Variants in GMDS observed in about 807,000 individuals in gnomAD.
GMDS encodes GDP-mannose 4,6-dehydratase, also known as GDP-mannose 4,6 dehydratase.
GMDS carries 20 observed loss-of-function variants against 49.9 expected under a neutral mutation model. The ratio of observed to expected loss-of-function variants is 0.40; its 90% CI spans 0.28 to 0.58. The LOEUF is 0.58. GMDS is among the 20% of genes least tolerant of loss of function. The pLI is 0.42. For missense variants in GMDS, 362 were observed against 481.4 expected (o/e 0.75, Z 2.32); for synonymous variants, 177 against 178.6 (o/e 0.99, Z 0.07).
At chr6:2,175,880 G>A in intron 1 of GMDS, 1 of 935,138 alleles carries the variant, frequency 1.1e-6, no homozygotes, top group Admixed American at 2.0e-5. Flanking sequence ...GCCCTATCAG[G>A]CTTGTGGCAC....
At chr6:1,774,146 A>T (rs1768697537) in intron 7 of GMDS, among the ~76,000 whole-genome samples, 1 of 152,252 alleles carries the variant, frequency 6.6e-6, no homozygotes, top group South Asian at 2.1e-4. Context: ...TAAATGAATC[A>T]AAACCATAAG....
intron 7 of GMDS, among the ~76,000 whole-genome samples, chr6:1,925,648 G>A (rs1252245962): frequency 2.6e-5 from 4 of 152,202 alleles, no homozygotes. Context: ...GTAAAAAAGT[G>A]TCAGTCACTT....
chr6:2,072,005 T>A (rs934035012), intron 4 of GMDS, among the ~76,000 whole-genome samples: 17 of 152,158 alleles, frequency 1.1e-4, no homozygotes, highest in Admixed American at 1.0e-3. Flanking sequence ...GTAGAACAAT[T>A]CTTTATTAGC....
At chr6:1,872,403 T>C (rs1270526458) in intron 7 of GMDS, among the ~76,000 whole-genome samples, 1 of 152,264 alleles carries the variant, frequency 6.6e-6, no homozygotes, top group African/African-American at 2.4e-5. Flanking sequence ...AGTTATGCTT[T>C]ATGGAAAGGT....
chr6:1,862,465 C>G (rs186474561), intron 7 of GMDS, among the ~76,000 whole-genome samples: 1 of 152,200 alleles, frequency 6.6e-6, no homozygotes, highest in Non-Finnish European at 1.5e-5. Context: ...TGCAGCTTAT[C>G]AAGCTATCAA....
intron 1 of GMDS, among the ~76,000 whole-genome samples, chr6:2,230,078 G>T (rs1781014759): frequency 6.6e-6 from 1 of 151,588 alleles, no homozygotes; most frequent in African/African-American, 2.4e-5. Flanking sequence ...GTCCACAGTT[G>T]CGAGACTCCT....
chr6:1,789,029 T>G (rs1411839039), intron 7 of GMDS, among the ~76,000 whole-genome samples: 1 of 152,158 alleles, frequency 6.6e-6, no homozygotes, highest in Non-Finnish European at 1.5e-5. Context: ...ACCTTAAGTT[T>G]CATAATTTGC....
chr6:1,801,165 C>A (rs1418074736), intron 7 of GMDS, among the ~76,000 whole-genome samples: 1 of 152,196 alleles, frequency 6.6e-6, no homozygotes, highest in African/African-American at 2.4e-5. Context: ...ATGAGACCTG[C>A]ACCGAAATTA....
intron 4 of GMDS, among the ~76,000 whole-genome samples, chr6:1,971,672 A>C (rs1408321063): frequency 1.3e-5 from 2 of 152,088 alleles, no homozygotes; most frequent in Non-Finnish European, 2.9e-5. Context: ...GGCTGCACAC[A>C]CTGCTTCTGT....
intron 1 of GMDS, 150 bp downstream of exon 1, chr6:2,245,171 T>C: frequency 1.6e-6 from 1 of 625,010 alleles, no homozygotes; most frequent in East Asian, 3.2e-5. Context: ...AACTGCACCG[T>C]ACCTTCCGTC....
rs1006005570 is a variant in GMDS at position 2,134,145 on chromosome 6, A to G, written c.103-9414T>C. Among the ~76,000 whole-genome samples the G allele has an allele frequency of 5.3e-5, 8 of 152,216 alleles. No homozygotes were observed. In the East Asian group the frequency reaches 1.5e-3, roughly 29 times the overall value. ...GTGTCACTGCCTTGTAGACTGCACAATCATGGTGTGATTCTAGATAGCTCA... is the reference window on the plus strand; with the variant it reads ...GTGTCACTGCCTTGTAGACTGCACAGTCATGGTGTGATTCTAGATAGCTCA... On this transcript the variant is annotated intron_variant, in intron 1 of 10. Transcript: ENST00000380815.
At chr6:2,076,612 C>G (rs1440670855) in intron 4 of GMDS, among the ~76,000 whole-genome samples, 1 of 152,150 alleles carries the variant, frequency 6.6e-6, no homozygotes, top group Admixed American at 6.5e-5. Flanking sequence ...TGCCACATAT[C>G]TACAACTATC....
intron 4 of GMDS, among the ~76,000 whole-genome samples, chr6:1,966,859 A>G (rs1764289582): frequency 6.6e-6 from 1 of 152,170 alleles, no homozygotes; most frequent in African/African-American, 2.4e-5. Flanking sequence ...GTTCACTGAA[A>G]TTTAACCAGT....
intron 7 of GMDS, among the ~76,000 whole-genome samples, chr6:1,792,706 TAA>T (rs745411944): frequency 8.5e-5 from 13 of 152,230 alleles, no homozygotes; most frequent in Non-Finnish European, 1.8e-4. Context: ...AATTTCAAAT[TAA>T]AAGTCATTTC....
intron 9 of GMDS, among the ~76,000 whole-genome samples, chr6:1,655,476 T>TACACACACACAC (rs751129753): frequency 5.1e-4 from 41 of 81,158 alleles, no homozygotes; most frequent in East Asian, 1.5e-3. Context: ...TTGAAAGCCT[T>TACACACACACAC]ACACACACAC....
intron 7 of GMDS, among the ~76,000 whole-genome samples, chr6:1,912,443 T>C (rs943863070): frequency 6.6e-6 from 1 of 152,186 alleles, no homozygotes; most frequent in African/African-American, 2.4e-5. Context: ...TTCTATGTGA[T>C]AGGTAACAGG....
At chr6:1,989,708 G>T (rs1452169706) in intron 4 of GMDS, among the ~76,000 whole-genome samples, 3 of 152,124 alleles carry the variant, frequency 2.0e-5, no homozygotes, top group Non-Finnish European at 2.9e-5. Context: ...CCTCTCTGAT[G>T]CTACCCCTCG....
At chr6:1,928,806 T>TA (rs1328149629) in intron 7 of GMDS, among the ~76,000 whole-genome samples, 1 of 151,882 alleles carries the variant, frequency 6.6e-6, no homozygotes, top group African/African-American at 2.4e-5. Context: ...CCATCTCTGC[T>TA]AAAAAAACAA....
In GMDS at chr6:2,207,484, G is replaced by A. The variant is rs548269696; in HGVS notation, c.102+37837C>T. Among the ~76,000 whole-genome samples the A allele has an allele frequency of 3.3e-5, 5 of 152,014 alleles. No individual in the cohort carries two copies. In the South Asian group the frequency reaches 1.0e-3, roughly 32 times the overall value. ...AATATAGGGATTGTATTTTTAAGGA[G>A]GAAGTGAAGACTAACTGGTTGTCCA... On this transcript the variant is annotated intron_variant, in intron 1 of 10. Transcript: ENST00000380815.
Sources: gnomAD v4.1 joint callset for allele counts (sites outside exome capture counted in the v4.1 genomes callset) on GRCh38, gnomAD v4.1.1 for gene constraint, MANE v1.5 for transcripts, NCBI Gene and HGNC (gene_info 2026-07-23, HGNC 2026-07-21) for gene names.